The following TMEM116 variants were observed in gnomAD, a reference collection of about 807,000 sequenced individuals.
The protein encoded by TMEM116 is transmembrane protein 116.
In TMEM116, 38 loss-of-function variants were observed where a neutral mutation model predicts 44.3. The observed-to-expected ratio is 0.86, with a 90% CI of 0.66 to 1.12. The LOEUF (loss-of-function observed/expected upper bound fraction) is 1.12. Among genes scored for constraint, TMEM116 ranks in the 50% most tolerant of loss-of-function variants. The probability of loss-of-function intolerance (pLI) is 0.00; values close to 1 mark genes in which losing one functional copy is unlikely to be tolerated. For synonymous variants in TMEM116, 132 were observed against 144.8 expected (o/e 0.91, Z 0.64); for missense variants, 354 against 401.7 (o/e 0.88, Z 1.01).
At chr12:111,935,770 A>ATAT (rs1282895487) in intron 8 of TMEM116, 3 of 151,922 alleles carry the variant, frequency 2.0e-5, no homozygotes, top group African/African-American at 7.3e-5. Context: ...CCTCCTGAGT[A>ATAT]GCTGGGACTA....
At position 111,953,628 on chromosome 12, in the gene TMEM116, G is replaced by A. The variant is rs117279756; in HGVS notation, c.211-10259C>T. Among the ~76,000 whole-genome samples, 1,234 of 152,240 alleles carry A rather than the reference G, an allele frequency of 8.1e-3. 7 individuals are homozygous for A. The highest frequency in any genetic ancestry group is 0.013 in the Non-Finnish European group (874 of 68,024). ...CAAGGATATCTGCCTAACAACTGCC[G>A]TCTAACCTTGGACTGATGCCACGCT... On this transcript the variant is annotated intron_variant, in intron 4 of 10. Transcript: ENST00000552374.
At chr12:111,999,088 G>C (rs1243572833) in intron 3 of TMEM116, among the ~76,000 whole-genome samples, 1 of 151,802 alleles carries the variant, frequency 6.6e-6, no homozygotes, top group Non-Finnish European at 1.5e-5. Context: ...GTATAATATA[G>C]GTCATGCTCT....
chr12:111,992,645 A>G (rs1438880148), intron 3 of TMEM116, among the ~76,000 whole-genome samples: 1 of 152,208 alleles, frequency 6.6e-6, no homozygotes, highest in Non-Finnish European at 1.5e-5. Context: ...CGTTTACAGT[A>G]ATAAAAAGTC....
intron 3 of TMEM116, among the ~76,000 whole-genome samples, chr12:112,001,549 T>C (rs1229855652): frequency 2.0e-5 from 3 of 152,210 alleles, no homozygotes; most frequent in African/African-American, 7.2e-5. Flanking sequence ...AGTATCCAGC[T>C]GGTAAAGGCT....
chr12:111,989,703 A>C (rs1332869893), intron 4 of TMEM116, among the ~76,000 whole-genome samples: 2 of 152,240 alleles, frequency 1.3e-5, no homozygotes, highest in Non-Finnish European at 2.9e-5. Flanking sequence ...AAAGATAATC[A>C]ACAGACACCA....
chr12:111,976,239 C>T (rs1001518448), intron 4 of TMEM116, among the ~76,000 whole-genome samples: 6 of 152,076 alleles, frequency 3.9e-5, no homozygotes, highest in Non-Finnish European at 5.9e-5. Context: ...AACTCCTGAC[C>T]TTGTAATCTG....
intron 8 of TMEM116, chr12:111,935,285 T>C (rs12314527): frequency 0.21 from 32,273 of 151,964 alleles, 3,867 homozygotes; most frequent in African/African-American, 0.33. Context: ...TTAGTAGAGA[T>C]AGGGTTTCAC....
chr12:111,931,885 A>C (rs2071677599), intron 10 of TMEM116, 58 bp from the exon 11 acceptor site: 1 of 1,189,128 alleles, frequency 8.4e-7, no homozygotes, highest in Non-Finnish European at 1.2e-6. Context: ...GATCCAGGGA[A>C]TAATTCTCAC....
chr12:111,962,586 T>C (rs2074674006), intron 4 of TMEM116, among the ~76,000 whole-genome samples: 1 of 152,316 alleles, frequency 6.6e-6, no homozygotes, highest in South Asian at 2.1e-4. Context: ...ATTTAATAAA[T>C]GGCGTTGGAA....
intron 3 of TMEM116, 107 bp downstream of exon 3, chr12:112,003,693 A>G: frequency 1.4e-6 from 2 of 1,408,734 alleles, no homozygotes; most frequent in Non-Finnish European, 9.2e-7. Flanking sequence ...GACAAATTTA[A>G]AAGTAATTCA....
chr12:111,947,904 T>G (rs1780492030), intron 4 of TMEM116, among the ~76,000 whole-genome samples: 1 of 152,250 alleles, frequency 6.6e-6, no homozygotes, highest in Admixed American at 6.5e-5. Context: ...GTAATGTTTT[T>G]ATGACTTTTA....
rs2077408476 is a variant in TMEM116 at position 112,003,646 on chromosome 12, T to TACTGA, written c.78+149_78+153dup. The TACTGA allele has an allele frequency of 4.0e-6, 4 of 1,007,560 alleles. No individual in the cohort carries two copies. The South Asian group carries it at 7.4e-5, about 19-fold the overall frequency. 62.4% of individuals were successfully genotyped at this position (1,007,560 alleles called of 1,614,324 possible). On this transcript the variant is annotated intron_variant, in intron 3 of 10. Coordinates refer to ENST00000552374, the MANE Select transcript of TMEM116 (RefSeq NM_001193531.2). ...AATTACCTAGAAGAAAAGGGAGCCC[T>TACTGA]ACTGACCATGCCAAAAATATCTCAT...
At chr12:111,942,841 A>T (rs1036108088) in intron 5 of TMEM116, among the ~76,000 whole-genome samples, 1 of 151,956 alleles carries the variant, frequency 6.6e-6, no homozygotes, top group African/African-American at 2.4e-5. Flanking sequence ...AGAGGAAGTG[A>T]TGTCAAAAGA....
intron 4 of TMEM116, among the ~76,000 whole-genome samples, chr12:111,981,834 T>C (rs1332943351): frequency 6.6e-6 from 1 of 152,248 alleles, no homozygotes; most frequent in African/African-American, 2.4e-5. Context: ...ATATACATAA[T>C]GGAATACTAT....
At position 112,003,840 on chromosome 12, in the gene TMEM116, A is replaced by G. The variant is rs2077419882; in HGVS notation, c.38T>C (p.Ile13Thr). Residue 13 changes from isoleucine (I) to threonine (T), a missense_variant, in exon 3 of 11, where the codon ATT becomes ACT. By Grantham distance (89) the Ile-to-Thr change is moderately conservative. Transcript: ENST00000552374. ...TATATTATGGAATACAGCATAGGCA[A>G]TAAGTGAACTTGAACCTATAACACT... ...TLSVIGSSSL[I>T]AYAVFHNIQK... The G allele has an allele frequency of 1.3e-6, 2 of 1,515,964 alleles. No individual in the cohort carries two copies. The highest frequency in any genetic ancestry group is 1.8e-6 in the Non-Finnish European group (2 of 1,140,490). 93.9% of individuals were successfully genotyped at this position (1,515,964 alleles called of 1,614,324 possible). A position where few individuals can be genotyped will look rare whatever the true frequency, so the allele number is the denominator to read the frequency against.
At chr12:111,997,418 G>A (rs2076985228) in intron 3 of TMEM116, among the ~76,000 whole-genome samples, 1 of 152,018 alleles carries the variant, frequency 6.6e-6, no homozygotes, top group African/African-American at 2.4e-5. Context: ...AAAAATAGCT[G>A]GCTATAGTGG....
intron 4 of TMEM116, among the ~76,000 whole-genome samples, chr12:111,986,477 A>T (rs2076235447): frequency 1.3e-5 from 2 of 152,032 alleles, no homozygotes; most frequent in African/African-American, 4.8e-5. Flanking sequence ...TGATTTTTAC[A>T]AGGGTGCCAA....
At chr12:111,940,552 CACAT>C (rs199857014) in intron 5 of TMEM116, among the ~76,000 whole-genome samples, 2,356 of 129,360 alleles carry the variant, frequency 0.018, 105 homozygotes, top group African/African-American at 0.064. Context: ...TATACACACA[CACAT>C]ATATATGTGT....
At chr12:111,983,115 G>A (rs563099406) in intron 4 of TMEM116, among the ~76,000 whole-genome samples, 1 of 151,892 alleles carries the variant, frequency 6.6e-6, no homozygotes, top group South Asian at 2.1e-4. Flanking sequence ...GGGCAACATA[G>A]CGAGACCTTG....
Sources: allele counts gnomAD v4.1 joint callset (sites outside exome capture counted in the v4.1 genomes callset), GRCh38; gene constraint gnomAD v4.1.1; transcripts MANE v1.5; gene names NCBI Gene and HGNC (gene_info 2026-07-23, HGNC 2026-07-21).